Variants in DHPS observed in about 807,000 individuals in gnomAD.
DHPS encodes migration-inducing gene 13.
A neutral mutation model predicts 38.7 loss-of-function variants in DHPS; 24 were observed. The ratio of observed to expected loss-of-function variants is 0.62; its 90% confidence interval spans 0.45 to 0.87. DHPS has a LOEUF of 0.87. DHPS is among the 40% of genes least tolerant of loss of function. DHPS has a pLI of 0.00. For synonymous variants in DHPS, 250 were observed against 204.4 expected (o/e 1.22, Z -1.90); for missense variants, 510 against 497.6 (o/e 1.02, Z -0.24).
Position 12,679,688 on chromosome 19 carries a change from A to G in DHPS, c.526T>C (p.Tyr176His). ...ATCAGCCAGTCCTCAAACTTGCAGT[A>G]ATTCTCATTGGGCACCAGCAGGTTT... is the stretch of plus-strand genomic sequence containing the variant. ...IGNLLVPNEN[Y>H]CKFEDWLMPI... Residue 176 changes from tyrosine to histidine, a missense_variant, in exon 4 of 9, where the codon TAC becomes CAC. By Grantham distance (83) the Tyr-to-His change is moderately conservative. Transcript: ENST00000210060. 6.2e-7 allele frequency: 1 copy of G among 1,614,148 alleles called. No homozygotes were observed. The highest frequency in any genetic ancestry group is 1.1e-5 in the South Asian group (1 of 91,086).
intron 8 of DHPS, 40 bp downstream of exon 8, chr19:12,675,977 T>C (rs774975968): frequency 1.2e-6 from 2 of 1,607,028 alleles, no homozygotes; most frequent in Admixed American, 1.7e-5. Context: ...CCCACACTCA[T>C]CGTCCCAGAG....
chr19:12,675,994 T>A (rs1224126681), intron 8 of DHPS, 23 bp downstream of exon 8: 1 of 1,611,128 alleles, frequency 6.2e-7, no homozygotes, highest in East Asian at 2.2e-5. Context: ...AGAGACCCTA[T>A]GCCCCACCCA....
chr19:12,681,251 C>G, intron 1 of DHPS: 2 of 1,288,916 alleles, frequency 1.6e-6, no homozygotes, highest in Non-Finnish European at 2.0e-6. Flanking sequence ...CCCATATCCT[C>G]CCTTAATTTG....
At chr19:12,681,112 A>G (rs778397800) in intron 1 of DHPS, 1 of 1,277,628 alleles carries the variant, frequency 7.8e-7, no homozygotes, top group Non-Finnish European at 1.0e-6. Context: ...GATTATAGGC[A>G]TGCGCCACCG....
rs1340973723 is a variant in DHPS, at chr19:12,676,267, T to C, written c.889-125A>G. The C allele has an allele frequency of 3.3e-6, 4 of 1,224,920 alleles. No homozygotes were observed. The East Asian group carries it at 7.8e-5, about 24-fold the overall frequency. The allele number at this position is 1,224,920 out of a possible 1,614,324, so 75.9% of individuals were successfully genotyped here. The stretch of plus-strand genomic sequence containing the variant: ...AGATGAAGGAAGCCCTTCACAGACA[T>C]TCGCTCCCAGACAGGGCCCATGTCA... On this transcript the variant is annotated intron_variant, in intron 7 of 8. Transcript: ENST00000210060.
In DHPS at chr19:12,679,560, C is replaced by G. The variant is rs113177926; in HGVS notation, c.592-17G>C. ...CTTTACACCCTAGGAGAGGATGTGA[C>G]CTTCAGGCCATGCCTCCCCTGACTC... On this transcript the variant is annotated splice_polypyrimidine_tract_variant and intron_variant, in intron 4 of 8. Coordinates refer to ENST00000210060, the MANE Select transcript of DHPS (RefSeq NM_001930.4). 8 of 1,614,098 alleles carry G rather than the reference C, an allele frequency of 5.0e-6. No homozygotes were observed. The African/African-American group carries it at 6.7e-5, about 13-fold the overall frequency.
downstream of DHPS, among the ~76,000 whole-genome samples, chr19:12,674,307 T>C (rs1274394618): frequency 6.6e-6 from 1 of 152,184 alleles, no homozygotes; most frequent in Non-Finnish European, 1.5e-5. Flanking sequence ...GTCCTTGACA[T>C]GTCCCAGCCT....
At chr19:12,673,173 C>A, downstream of DHPS, 4 of 1,612,814 alleles carry the variant, frequency 2.5e-6, no homozygotes, top group Non-Finnish European at 3.4e-6. Flanking sequence ...CTGGAGAGGA[C>A]CAAGCCCCCC....
chr19:12,681,842 G>T lies in DHPS; in HGVS notation c.-76C>A. The stretch of plus-strand genomic sequence containing the variant: ...GCGGCCCAGAAACGCGTTAAACCCC[G>T]ACGCGCGCGTCTCCGCAAGAGCACA... On this transcript the variant is annotated 5_prime_UTR_variant, in exon 1 of 9. Transcript: ENST00000210060. 1 of 1,304,846 alleles carries T rather than the reference G, an allele frequency of 7.7e-7. No homozygotes were observed. The highest frequency in any genetic ancestry group is 1.1e-6 in the Non-Finnish European group (1 of 933,528). 80.8% of individuals were successfully genotyped at this position (1,304,846 alleles called of 1,614,324 possible). A position where few individuals can be genotyped will look rare whatever the true frequency, so the allele number is the denominator to read the frequency against.
rs559906630 is a variant in DHPS at position 12,681,122 on chromosome 19, G to A, written c.207+438C>T. On this transcript the variant is annotated intron_variant, in intron 1 of 8. Transcript: ENST00000210060. ...GCTGGGATTATAGGCATGCGCCACC[G>A]CGCCCAGCCAGCCCCCACCCTTTTA... The A allele has an allele frequency of 8.8e-5, 112 of 1,276,808 alleles. 1 individual carries two copies. The South Asian group carries it at 1.3e-3, about 15-fold the overall frequency. 79.1% of individuals were successfully genotyped at this position (1,276,808 alleles called of 1,614,324 possible).
intron 5 of DHPS, among the ~76,000 whole-genome samples, chr19:12,677,865 C>T (rs2024671039): frequency 6.6e-6 from 1 of 151,702 alleles, no homozygotes; most frequent in Non-Finnish European, 1.5e-5. Context: ...TGGTCTTGAA[C>T]TCCTGACTTC....
In DHPS at chr19:12,681,831, C is replaced by T. The variant is rs1167465816; in HGVS notation, c.-65G>A. 1 of 1,412,316 alleles carries T rather than the reference C, an allele frequency of 7.1e-7. No individual in the cohort carries two copies. The highest frequency in any genetic ancestry group is 1.2e-5 in the South Asian group (1 of 85,114). The allele number at this position is 1,412,316 out of a possible 1,614,324, so 87.5% of individuals were successfully genotyped here. On this transcript the variant is annotated 5_prime_UTR_variant, in exon 1 of 9. Coordinates refer to ENST00000210060, the MANE Select transcript of DHPS (RefSeq NM_001930.4). ...CCGGGCTTACGGCGGCCCAGAAACG[C>T]GTTAAACCCCGACGCGCGCGTCTCC...
Position 12,679,805 on chromosome 19 carries a change from T to C in DHPS, c.490A>G (p.Asn164Asp), listed in dbSNP as rs151125642. 8 of 1,614,022 alleles carry C rather than the reference T, an allele frequency of 5.0e-6. No individual in the cohort carries two copies. Among genetic ancestry groups the C allele is most frequent in the African/African-American group, 4.0e-5 (3 of 74,938 alleles). Reference sequence around the variant, plus strand: ...AACACCACTCAGGGTTCTCACCTATTGATCCCGTTCTCCCGGAGCTCCTTC... The same window carrying C: ...AACACCACTCAGGGTTCTCACCTATCGATCCCGTTCTCCCGGAGCTCCTTC... ...RGKELRENGI[N>D]RIGNLLVPNE... is the part of the protein sequence containing the mutation. The change falls in exon 3 of 9, where the codon AAT becomes GAT. Residue 164 changes from asparagine to aspartate, a missense_variant. Coordinates refer to ENST00000210060, the MANE Select transcript of DHPS (RefSeq NM_001930.4).
chr19:12,679,319 G>T, intron 5 of DHPS, 138 bp downstream of exon 5: 1 of 819,306 alleles, frequency 1.2e-6, no homozygotes, highest in South Asian at 1.6e-5. Context: ...AAATTACCAC[G>T]CCTATCTGTG....
intron 5 of DHPS, 85 bp downstream of exon 5, chr19:12,679,372 G>C: frequency 8.0e-7 from 1 of 1,255,444 alleles, no homozygotes; most frequent in Non-Finnish European, 1.2e-6. Context: ...GAGAATAACA[G>C]TACTGAATCC....
rs887246437 is a variant in DHPS, at chr19:12,681,339, G to T, written c.207+221C>A. The T allele has an allele frequency of 2.3e-5, 24 of 1,024,042 alleles. No homozygotes were observed. The South Asian group carries it at 3.9e-4, about 17-fold the overall frequency. The allele number at this position is 1,024,042 out of a possible 1,614,324, so 63.4% of individuals were successfully genotyped here. A position where few individuals can be genotyped will look rare whatever the true frequency, so the allele number is the denominator to read the frequency against. On this transcript the variant is annotated intron_variant, in intron 1 of 8. Transcript: ENST00000210060. ...GCCCCCACACCAAGAATCAGTCCTC[G>T]CCTCCTCAGGTTACCGTACCAGCAT...
chr19:12,677,636 CTCTT>C (rs1290254210), intron 5 of DHPS, among the ~76,000 whole-genome samples: 2 of 151,920 alleles, frequency 1.3e-5, no homozygotes, highest in Non-Finnish European at 2.9e-5. Context: ...CTGTTTCTCT[CTCTT>C]TTTTTTTATT....
intron 7 of DHPS, chr19:12,676,404 T>C (rs375083939): frequency 8.6e-6 from 4 of 465,208 alleles, no homozygotes; most frequent in African/African-American, 7.9e-5. Flanking sequence ...CCAGCAACTC[T>C]ATCTTCAGAA....
chr19:12,679,692 C>G lies in DHPS; in HGVS notation c.522G>C (p.Glu174Asp), dbSNP rs10425108. The G allele has an allele frequency of 6.8e-3, 10,902 of 1,614,142 alleles. 618 individuals carry two copies. In the African/African-American group the frequency reaches 0.12, roughly 18 times the overall value. ...GCCAGTCCTCAAACTTGCAGTAATTCTCATTGGGCACCAGCAGGTTTCCGA... is the reference window on the plus strand; with the variant it reads ...GCCAGTCCTCAAACTTGCAGTAATTGTCATTGGGCACCAGCAGGTTTCCGA... ...NRIGNLLVPN[E>D]NYCKFEDWLM... Residue 174 changes from glutamate to aspartate, a missense_variant, in exon 4 of 9, where the codon GAG becomes GAC. Coordinates refer to ENST00000210060, the MANE Select transcript of DHPS (RefSeq NM_001930.4).
Sources: allele counts gnomAD v4.1 joint callset (sites outside exome capture counted in the v4.1 genomes callset), GRCh38; gene constraint gnomAD v4.1.1; transcripts MANE v1.5; gene names NCBI Gene and HGNC (gene_info 2026-07-23, HGNC 2026-07-21).